The following FAAH variants were observed in gnomAD, a reference collection of about 807,000 sequenced individuals.
FAAH encodes fatty acid amide hydrolase, also known as fatty-acid amide hydrolase 1.
FAAH carries 63 observed loss-of-function variants against 69.7 expected under a neutral mutation model. That is an observed-to-expected ratio of 0.90 (90% CI 0.74 to 1.12). FAAH has a LOEUF of 1.12. Among genes scored for constraint, FAAH ranks in the 50% most tolerant of loss-of-function variants. The pLI is 0.00. For synonymous variants in FAAH, 305 were observed against 324.2 expected (o/e 0.94, Z 0.64); for missense variants, 680 against 755.0 (o/e 0.90, Z 1.16).
At chr1:46,398,004 G>A (rs1257762861) in intron 1 of FAAH, among the ~76,000 whole-genome samples, 1 of 148,122 alleles carries the variant, frequency 6.8e-6, no homozygotes, top group African/African-American at 2.5e-5. Flanking sequence ...TGCAATCTCG[G>A]CTCACTGCAA....
chr1:46,412,605 C>T (rs1664936828), intron 13 of FAAH, among the ~76,000 whole-genome samples: 1 of 151,778 alleles, frequency 6.6e-6, no homozygotes, highest in Admixed American at 6.6e-5. Context: ...AGCCCAGGAG[C>T]TCAAGAGCAG....
At chr1:46,408,032 C>G (rs985997354) in intron 7 of FAAH, among the ~76,000 whole-genome samples, 1 of 152,096 alleles carries the variant, frequency 6.6e-6, no homozygotes, top group South Asian at 2.1e-4. Flanking sequence ...GGATAGGCAG[C>G]CGTGAAGTCC....
intron 9 of FAAH, 62 bp downstream of exon 9, chr1:46,409,260 C>A: frequency 7.5e-7 from 1 of 1,336,766 alleles, no homozygotes; most frequent in Non-Finnish European, 1.1e-6. Context: ...CCTGGGGGAG[C>A]AGCAGGGTGT....
rs779159482 is a variant in FAAH at position 46,406,038 on chromosome 1, CA to C, written c.788del (p.Lys263ArgfsTer4). 1 of 1,614,206 alleles carries C rather than the reference CA, an allele frequency of 6.2e-7. No homozygotes were observed. The highest frequency in any genetic ancestry group is 1.1e-5 in the South Asian group (1 of 91,078). On this transcript the variant is annotated frameshift_variant and splice_region_variant, in exon 6 of 15. Coordinates refer to ENST00000243167, the MANE Select transcript of FAAH (RefSeq NM_001441.3). LOFTEE classifies it high-confidence loss of function. ...GLKPTGNRLS[K>X]SGLKGCVYGQ... ...CCAGCATCTTATGTTTCTTATCCAG[CA>C]AGAGTGGCCTGAAGGGCTGTGTCTA...
Position 46,405,503 on chromosome 1 carries a change from C to T in FAAH, c.576C>T (p.Phe192=), listed in dbSNP as rs1317306713. 3 of 1,288,402 alleles carry T rather than the reference C, an allele frequency of 2.3e-6. No individual in the cohort carries two copies. Among genetic ancestry groups the T allele is most frequent in the Non-Finnish European group, 2.1e-6 (2 of 956,254 alleles). The allele number at this position is 1,288,402 out of a possible 1,614,324, so 79.8% of individuals were successfully genotyped here. A position where few individuals can be genotyped will look rare whatever the true frequency, so the allele number is the denominator to read the frequency against. Residue 192 remains phenylalanine (F), a splice_region_variant and synonymous_variant, in exon 4 of 15, where the codon TTC becomes TTT. Coordinates refer to ENST00000243167, the MANE Select transcript of FAAH (RefSeq NM_001441.3). This position sits in a 1 kb window ranked among gnomAD's most constrained non-coding sequence, Gnocchi z 4.1. ...ACACCAATGTTCCACAGTCCATGTT[C>T]AGGTTGGGTCTTGGGGTGGGGCGGG... The part of the protein sequence containing the change: ...FVHTNVPQSM[F]SYDCSNPLFG...
chr1:46,405,846 A>T lies in FAAH; in HGVS notation c.785+52A>T. ...GCCCCTCGCTGTGTGACCTTGGCCT[A>T]GCTTCCAACCTCTCTGGGCTCCAGG... On this transcript the variant is annotated intron_variant, in intron 5 of 14. Coordinates refer to ENST00000243167, the MANE Select transcript of FAAH (RefSeq NM_001441.3). This position sits in a 1 kb window ranked among gnomAD's most constrained non-coding sequence, Gnocchi z 4.1. The T allele has an allele frequency of 6.2e-7, 1 of 1,609,286 alleles. No homozygotes were observed. Among genetic ancestry groups the T allele is most frequent in the Non-Finnish European group, 8.5e-7 (1 of 1,178,084 alleles).
At position 46,407,776 on chromosome 1, in the gene FAAH, C is replaced by T. The variant is rs555179254; in HGVS notation, c.952-683C>T. Among the ~76,000 whole-genome samples the T allele has an allele frequency of 2.0e-5, 3 of 152,276 alleles. No homozygotes were observed. In the South Asian group the frequency reaches 6.2e-4, roughly 32 times the overall value. Reference sequence around the variant, plus strand: ...TGCAGACAGAGGAAGAGTGAAGTCACGTTAATGTAGACAGTAAGCTGTGTG... The same window carrying T: ...TGCAGACAGAGGAAGAGTGAAGTCATGTTAATGTAGACAGTAAGCTGTGTG... On this transcript the variant is annotated intron_variant, in intron 7 of 14. Coordinates refer to ENST00000243167, the MANE Select transcript of FAAH (RefSeq NM_001441.3).
intron 13 of FAAH, among the ~76,000 whole-genome samples, chr1:46,412,682 G>T (rs998187625): frequency 1.3e-5 from 2 of 151,986 alleles, no homozygotes; most frequent in Non-Finnish European, 2.9e-5. Flanking sequence ...GTGGTTGCAT[G>T]TTCCTGTAGT....
rs1664924154 is a variant in FAAH at position 46,411,985 on chromosome 1, G to C, written c.1357-158G>C. Among the ~76,000 whole-genome samples the C allele has an allele frequency of 6.6e-6, 1 of 152,262 alleles. No individual in the cohort carries two copies. Among genetic ancestry groups the C allele is most frequent in the Non-Finnish European group, 1.5e-5 (1 of 68,044 alleles). On this transcript the variant is annotated intron_variant, in intron 12 of 14. Coordinates refer to ENST00000243167, the MANE Select transcript of FAAH (RefSeq NM_001441.3). This position sits in a 1 kb window ranked among gnomAD's most constrained non-coding sequence, Gnocchi z 4.8. ...AACGACTGATGCCCTCTGAGAGGCA[G>C]CACTGCCTGCCCGGAGGACCTGTGT...
intron 1 of FAAH, among the ~76,000 whole-genome samples, chr1:46,399,175 C>T (rs1664653736): frequency 1.3e-5 from 2 of 152,158 alleles, no homozygotes; most frequent in Admixed American, 1.3e-4. Context: ...CTTATCAATC[C>T]CACTGGCATT....
intron 1 of FAAH, among the ~76,000 whole-genome samples, chr1:46,397,932 C>CTTTT (rs1047486835): frequency 1.0e-4 from 12 of 118,024 alleles, no homozygotes; most frequent in Non-Finnish European, 1.6e-4. Context: ...GTCTTGAACT[C>CTTTT]TTTTTTTTTT....
intron 1 of FAAH, among the ~76,000 whole-genome samples, chr1:46,399,124 G>A (rs1400228438): frequency 1.3e-5 from 2 of 152,120 alleles, no homozygotes; most frequent in African/African-American, 2.4e-5. Flanking sequence ...ATGCAGTTTT[G>A]TTTTACCCTG....
At chr1:46,401,374 C>T (rs1265622752) in intron 1 of FAAH, among the ~76,000 whole-genome samples, 1 of 152,104 alleles carries the variant, frequency 6.6e-6, no homozygotes, top group East Asian at 1.9e-4. Flanking sequence ...CTGTGAGGGT[C>T]TGCGGCTTCA....
At chr1:46,403,282 C>A (rs1207827321) in intron 2 of FAAH, among the ~76,000 whole-genome samples, 1 of 151,990 alleles carries the variant, frequency 6.6e-6, no homozygotes, top group African/African-American at 2.4e-5. Flanking sequence ...AGACATGCAC[C>A]CCCATGCTTG....
chr1:46,412,250 A>G lies in FAAH; in HGVS notation c.1464A>G (p.Thr488=), dbSNP rs905114939. The G allele has an allele frequency of 1.9e-6, 3 of 1,550,838 alleles. No homozygotes were observed. The highest frequency in any genetic ancestry group is 2.4e-5 in the East Asian group (1 of 40,968). Residue 488 remains threonine (T), a splice_region_variant and synonymous_variant, in exon 13 of 15, where the codon ACA becomes ACG. Coordinates refer to ENST00000243167, the MANE Select transcript of FAAH (RefSeq NM_001441.3). ...ACTTGAATGCCCCAGGCAGGGCCAC[A>G]GGTGAGGCCCGACACCCTGCCTGTC... The part of the protein sequence containing the change: ...ALDLNAPGRA[T]GAVSYTMLYN...
In FAAH at chr1:46,411,773, C is replaced by G; in HGVS notation, c.1356+122C>G. The G allele has an allele frequency of 9.2e-7, 1 of 1,085,038 alleles. No individual in the cohort carries two copies. 67.2% of individuals were successfully genotyped at this position (1,085,038 alleles called of 1,614,324 possible). Reference sequence around the variant, plus strand: ...GGGGCTCCTAGACTGGCCTGTCATCCCCCTTCCACTCCCTGGACCACCACT... The same window carrying G: ...GGGGCTCCTAGACTGGCCTGTCATCGCCCTTCCACTCCCTGGACCACCACT... On this transcript the variant is annotated intron_variant, in intron 12 of 14. Transcript: ENST00000243167. The surrounding 1 kb of genome is among the most constrained non-coding windows in gnomAD (Gnocchi z 4.8).
Position 46,410,819 on chromosome 1 carries a change from A to T in FAAH, c.1281A>T (p.Pro427=). 6.2e-7 allele frequency: 1 copy of T among 1,614,096 alleles called. No homozygotes were observed. The highest frequency in any genetic ancestry group is 8.5e-7 in the Non-Finnish European group (1 of 1,180,020). Residue 427 remains proline (P), a synonymous_variant, in exon 11 of 15, where the codon CCA becomes CCT. Coordinates refer to ENST00000243167, the MANE Select transcript of FAAH (RefSeq NM_001441.3). The surrounding 1 kb of genome is among the most constrained non-coding windows in gnomAD (Gnocchi z 4.9). ...CCTGCGTCTGTCCTGTGCAGCTGCCAAGGCTGTCAGCTTTCCTCAGCAACA... is the reference window on the plus strand; with the variant it reads ...CCTGCGTCTGTCCTGTGCAGCTGCCTAGGCTGTCAGCTTTCCTCAGCAACA... ...LLAFLVKPLL[P]RLSAFLSNMK... is the part of the protein sequence containing the mutation.
intron 8 of FAAH, 70 bp from the exon 9 acceptor site, chr1:46,409,031 G>A (rs564352296): frequency 2.0e-5 from 26 of 1,319,122 alleles, no homozygotes; most frequent in East Asian, 6.9e-5. Flanking sequence ...CCTCAGGGCC[G>A]CCCAGACAGC....
At chr1:46,408,694 C>G in intron 8 of FAAH, 110 bp downstream of exon 8, 1 of 1,550,438 alleles carries the variant, frequency 6.4e-7, no homozygotes. Flanking sequence ...ACGATGTTGT[C>G]GTCGGGGTGA....
Sources: allele counts gnomAD v4.1 joint callset (sites outside exome capture counted in the v4.1 genomes callset), GRCh38; gene constraint gnomAD v4.1.1; non-coding constraint Gnocchi (gnomAD v3.1); transcripts MANE v1.5; gene names NCBI Gene and HGNC (gene_info 2026-07-23, HGNC 2026-07-21).